Variants in GALNT2 observed in about 807,000 individuals in gnomAD.
GALNT2 encodes the protein UDP-GalNAc:polypeptide N-acetylgalactosaminyltransferase 2.
GALNT2 carries 31 observed loss-of-function variants against 81.4 expected under a neutral mutation model. That is an observed-to-expected ratio of 0.38 (90% CI 0.29 to 0.51). The LOEUF (loss-of-function observed/expected upper bound fraction) is 0.51. Among genes scored for constraint, GALNT2 ranks in the 20% least tolerant of loss-of-function variants. The pLI, the probability that GALNT2 is intolerant of heterozygous loss-of-function variation, is 0.87. For synonymous variants in GALNT2, 303 were observed against 287.4 expected, an observed-to-expected ratio of 1.05 and a Z score of -0.55; for missense variants, 629 against 765.7, an observed-to-expected ratio of 0.82 and a Z score of 2.11.
intron 1 of GALNT2, among the ~76,000 whole-genome samples, chr1:230,124,688 A>G (rs1352335498): frequency 6.6e-6 from 1 of 152,194 alleles, no homozygotes; most frequent in Non-Finnish European, 1.5e-5. Context: ...AATAAAAGCC[A>G]CAGTCTTGGA....
chr1:230,224,031 G>A (rs1341791286), intron 3 of GALNT2, among the ~76,000 whole-genome samples: 9 of 152,212 alleles, frequency 5.9e-5, no homozygotes, highest in African/African-American at 2.2e-4. Context: ...ACCACTTTGA[G>A]ACAGGCAGAG....
chr1:230,084,119 C>T (rs1011638868), intron 1 of GALNT2, among the ~76,000 whole-genome samples: 5 of 152,296 alleles, frequency 3.3e-5, no homozygotes, highest in East Asian at 1.9e-4. Context: ...TGATCCCCTG[C>T]GTCCCAGTGG....
chr1:230,245,971 C>T (rs1022461078), intron 7 of GALNT2, 92 bp from the exon 8 acceptor site: 16 of 1,075,490 alleles, frequency 1.5e-5, no homozygotes, highest in Non-Finnish European at 2.2e-5. Context: ...TTGGGTTTGC[C>T]CTGTGCCTGC....
At chr1:230,225,246 T>C (rs1469368093) in intron 3 of GALNT2, among the ~76,000 whole-genome samples, 13 of 152,260 alleles carry the variant, frequency 8.5e-5, no homozygotes, top group Admixed American at 2.6e-4. Flanking sequence ...TTTTCCTTTT[T>C]TTGGCTTCCA....
At chr1:230,134,587 G>A (rs971414925) in intron 1 of GALNT2, among the ~76,000 whole-genome samples, 1 of 152,208 alleles carries the variant, frequency 6.6e-6, no homozygotes, top group Non-Finnish European at 1.5e-5. Flanking sequence ...CCCAGGAGGA[G>A]GGTATCCAAC....
At chr1:230,101,624 C>T (rs999306150) in intron 1 of GALNT2, among the ~76,000 whole-genome samples, 1 of 152,186 alleles carries the variant, frequency 6.6e-6, no homozygotes, top group African/African-American at 2.4e-5. Context: ...CCTGATCAGC[C>T]AAACTCTGGG....
chr1:230,069,942 C>T (rs931850869), intron 1 of GALNT2, among the ~76,000 whole-genome samples: 3 of 152,144 alleles, frequency 2.0e-5, no homozygotes, highest in South Asian at 2.1e-4. Flanking sequence ...CTTTAGGGAT[C>T]GTCTGAGGGG....
At chr1:230,203,009 T>G in intron 2 of GALNT2, 128 bp from the exon 3 acceptor site, 1 of 983,872 alleles carries the variant, frequency 1.0e-6, no homozygotes, top group Non-Finnish European at 1.5e-6. Flanking sequence ...GCTAGTTTGT[T>G]GTTTAAAATG....
At chr1:230,268,783 G>A (rs1666098326) in intron 14 of GALNT2, among the ~76,000 whole-genome samples, 1 of 152,192 alleles carries the variant, frequency 6.6e-6, no homozygotes, top group South Asian at 2.1e-4. Context: ...GACAGCCTGT[G>A]TCCCGCCTTC....
At chr1:230,118,249 C>T (rs1208090960) in intron 1 of GALNT2, among the ~76,000 whole-genome samples, 3 of 152,220 alleles carry the variant, frequency 2.0e-5, no homozygotes, top group South Asian at 2.1e-4. Flanking sequence ...ATGTGTCCAT[C>T]ATGACAAAGG....
At position 230,257,394 on chromosome 1, in the gene GALNT2, G is replaced by A. The variant is rs1434595131; in HGVS notation, c.1136+2050G>A. 1.3e-5 allele frequency among the ~76,000 whole-genome samples: 2 copies of A among 152,164 alleles called. No homozygotes were observed. Among genetic ancestry groups the A allele is most frequent in the African/African-American group, 2.4e-5 (1 of 41,430 alleles). On this transcript the variant is annotated intron_variant, in intron 11 of 15. Coordinates refer to ENST00000366672, the MANE Select transcript of GALNT2 (RefSeq NM_004481.5). This position sits in a 1 kb window ranked among gnomAD's most constrained non-coding sequence, Gnocchi z 4.6. The stretch of plus-strand genomic sequence containing the variant: ...AGTCATGCACCTGTAACAGCGTTTC[G>A]GTCGGTGACAGTAGTCCCATAAGAT...
intron 10 of GALNT2, among the ~76,000 whole-genome samples, chr1:230,254,559 A>C (rs540390619): frequency 1.5e-4 from 23 of 152,284 alleles, no homozygotes; most frequent in African/African-American, 5.5e-4. Flanking sequence ...CTGCCTGGAG[A>C]CTTGAGCCTG....
chr1:230,211,132 G>A (rs1264601043), intron 3 of GALNT2, among the ~76,000 whole-genome samples: 1 of 152,164 alleles, frequency 6.6e-6, no homozygotes, highest in African/African-American at 2.4e-5. Flanking sequence ...TCGGCAGCTC[G>A]CGGCGTCTCA....
chr1:230,129,418 A>G (rs766053097), intron 1 of GALNT2, among the ~76,000 whole-genome samples: 4 of 152,182 alleles, frequency 2.6e-5, no homozygotes, highest in Admixed American at 1.3e-4. Context: ...CCTGGGCTCA[A>G]GTGATCCTCC....
At chr1:230,157,290 A>G (rs10779833) in intron 1 of GALNT2, among the ~76,000 whole-genome samples, 93,991 of 152,062 alleles carry the variant, frequency 0.62, 30,797 homozygotes, top group Non-Finnish European at 0.74. Context: ...TTATGTCACT[A>G]TACACCTAGG....
intron 1 of GALNT2, among the ~76,000 whole-genome samples, chr1:230,172,119 T>C (rs1188554725): frequency 6.6e-6 from 1 of 152,168 alleles, no homozygotes; most frequent in African/African-American, 2.4e-5. Flanking sequence ...GGTGACATGG[T>C]TCATTATTTC....
chr1:230,203,907 C>G (rs1190337056), intron 3 of GALNT2, among the ~76,000 whole-genome samples: 3 of 152,222 alleles, frequency 2.0e-5, no homozygotes, highest in Admixed American at 6.5e-5. Flanking sequence ...TCACTGTAAC[C>G]TCAAACTCTT....
At chr1:230,121,769 A>G (rs1221109004) in intron 1 of GALNT2, among the ~76,000 whole-genome samples, 1 of 151,996 alleles carries the variant, frequency 6.6e-6, no homozygotes, top group Non-Finnish European at 1.5e-5. Flanking sequence ...TGCATACCCC[A>G]CTTTGCATAG....
At position 230,058,316 on chromosome 1, in the gene GALNT2, G is replaced by T. The variant is rs547613679; in HGVS notation, n.89+238G>T. On this transcript the variant is annotated intron_variant and non_coding_transcript_variant, in intron 1 of 6. Transcript: ENST00000494106. ...TTCCCTGGGAGCCTGAGATGAGAGG[G>T]TTACACAGCGGGGAAGGTGGGAACA... Among the ~76,000 whole-genome samples, 15 of 152,274 alleles carry T rather than the reference G, an allele frequency of 9.9e-5. No individual in the cohort carries two copies. The East Asian group carries it at 2.1e-3, about 22-fold the overall frequency.
Sources: gnomAD v4.1 joint callset for allele counts (sites outside exome capture counted in the v4.1 genomes callset) on GRCh38, gnomAD v4.1.1 for gene constraint, Gnocchi (gnomAD v3.1) non-coding constraint, MANE v1.5 for transcripts, NCBI Gene and HGNC (gene_info 2026-07-23, HGNC 2026-07-21) for gene names.